TSPAN13: variants seen among roughly 807,000 people sequenced by gnomAD.
TSPAN13 encodes tetraspanin-13.
Under a neutral mutation model 26.9 loss-of-function variants are expected in TSPAN13, and 18 were observed. That is an observed-to-expected ratio of 0.67 (90% confidence interval 0.46 to 0.99). TSPAN13 has a LOEUF of 0.99. Among genes scored for constraint, TSPAN13 ranks in the 50% least tolerant of loss-of-function variants. The pLI is 0.00. For synonymous variants in TSPAN13, 116 were observed against 98.4 expected, an observed-to-expected ratio of 1.18 and a Z score of -1.06; for missense variants, 201 against 249.6, an observed-to-expected ratio of 0.81 and a Z score of 1.31.
intron 1 of TSPAN13, 39 bp from the exon 2 acceptor site, chr7:16,776,172 C>G (rs748882421): frequency 1.9e-6 from 3 of 1,602,238 alleles, no homozygotes; most frequent in Non-Finnish European, 8.5e-7. Context: ...TCTCTCCTCT[C>G]TCTCGTCCTC....
intron 1 of TSPAN13, among the ~76,000 whole-genome samples, chr7:16,758,123 T>C (rs1446396192): frequency 6.6e-6 from 1 of 152,064 alleles, no homozygotes; most frequent in Non-Finnish European, 1.5e-5. Flanking sequence ...GCATGAGCAC[T>C]TTATCTACTA....
intron 5 of TSPAN13, among the ~76,000 whole-genome samples, chr7:16,781,828 C>T (rs894301323): frequency 5.9e-5 from 9 of 151,872 alleles, no homozygotes; most frequent in South Asian, 2.1e-4. Context: ...TGAGGTGGGG[C>T]GGGGGGACTC....
chr7:16,762,630 C>A (rs1332841127), intron 1 of TSPAN13, among the ~76,000 whole-genome samples: 1 of 152,182 alleles, frequency 6.6e-6, no homozygotes, highest in Non-Finnish European at 1.5e-5. Flanking sequence ...ACCCAGCTAT[C>A]ACTGCTTAAA....
At chr7:16,780,986 C>T (rs1784808099) in intron 5 of TSPAN13, among the ~76,000 whole-genome samples, 1 of 152,144 alleles carries the variant, frequency 6.6e-6, no homozygotes, top group African/African-American at 2.4e-5. Context: ...TCAATATTCA[C>T]AGAATCACAG....
intron 1 of TSPAN13, among the ~76,000 whole-genome samples, chr7:16,770,290 C>T (rs1391141998): frequency 6.6e-6 from 1 of 152,100 alleles, no homozygotes; most frequent in African/African-American, 2.4e-5. Context: ...ACTGCAGCCT[C>T]TGCCTCTCGG....
chr7:16,776,462 A>T, intron 2 of TSPAN13, 84 bp downstream of exon 2: 2 of 1,384,282 alleles, frequency 1.4e-6, no homozygotes, highest in Non-Finnish European at 2.0e-6. Context: ...TAGGAAATTT[A>T]TTGCCAGAAA....
At chr7:16,775,177 T>C (rs965033894) in intron 1 of TSPAN13, among the ~76,000 whole-genome samples, 2 of 152,208 alleles carry the variant, frequency 1.3e-5, no homozygotes, top group African/African-American at 4.8e-5. Flanking sequence ...AGATACTGTT[T>C]CCTTCCTGTT....
At chr7:16,765,023 T>A (rs1202875159) in intron 1 of TSPAN13, among the ~76,000 whole-genome samples, 2 of 151,940 alleles carry the variant, frequency 1.3e-5, no homozygotes, top group African/African-American at 4.8e-5. Flanking sequence ...CCTCCCAAAG[T>A]GCTAGGATTA....
At chr7:16,772,668 C>T (rs1269426989) in intron 1 of TSPAN13, among the ~76,000 whole-genome samples, 1 of 152,108 alleles carries the variant, frequency 6.6e-6, no homozygotes, top group East Asian at 1.9e-4. Context: ...TTTAAAGATC[C>T]TTAATTTAGT....
At chr7:16,754,121 G>C (rs530931749) in intron 1 of TSPAN13, 91 bp downstream of exon 1, 3 of 1,321,776 alleles carry the variant, frequency 2.3e-6, no homozygotes, top group Non-Finnish European at 2.1e-6. Context: ...CGACTCACTC[G>C]TTGCATCCCG....
At chr7:16,761,621 G>C (rs555611003) in intron 1 of TSPAN13, among the ~76,000 whole-genome samples, 15 of 151,606 alleles carry the variant, frequency 9.9e-5, no homozygotes, top group Non-Finnish European at 1.0e-4. Flanking sequence ...GGGCCCAAGC[G>C]ATCCTCTCAC....
At position 16,753,778 on chromosome 7, in the gene TSPAN13, G is replaced by T. The variant is rs544299695; in HGVS notation, c.-190G>T. 11 of 468,926 alleles carry T rather than the reference G, an allele frequency of 2.3e-5. No individual in the cohort carries two copies. The highest frequency in any genetic ancestry group is 4.0e-5 in the Non-Finnish European group (11 of 272,808). 29.0% of individuals were successfully genotyped at this position (468,926 alleles called of 1,614,324 possible). The stretch of plus-strand genomic sequence containing the variant: ...CTCCGGCTCAGCTGCGGCGGCCGCA[G>T]GTTCCAAAGCGGGTCCGAGCCGCCG... On this transcript the variant is annotated 5_prime_UTR_variant, in exon 1 of 6. In the 5' UTR this introduces an upstream ATG that the reference lacks. Transcript: ENST00000262067.
At chr7:16,771,040 G>T (rs1276096053) in intron 1 of TSPAN13, among the ~76,000 whole-genome samples, 1 of 152,186 alleles carries the variant, frequency 6.6e-6, no homozygotes, top group Non-Finnish European at 1.5e-5. Flanking sequence ...AAGGGTCTCA[G>T]TTCCACTTCC....
At position 16,774,206 on chromosome 7, in the gene TSPAN13, A is replaced by C. The variant is rs150796044; in HGVS notation, c.64-2005A>C. 7.6e-4 allele frequency among the ~76,000 whole-genome samples: 115 copies of C among 152,312 alleles called. 1 individual carries two copies. The highest frequency in any genetic ancestry group is 2.7e-3 in the African/African-American group (113 of 41,564). On this transcript the variant is annotated intron_variant, in intron 1 of 5. Coordinates refer to ENST00000262067, the MANE Select transcript of TSPAN13 (RefSeq NM_014399.4). ...TTCTGACTTGCCAGTCACGACAATC[A>C]TGTGAGCCAATTCTTTAAAATCTCT...
At chr7:16,761,951 G>C (rs1423317557) in intron 1 of TSPAN13, among the ~76,000 whole-genome samples, 2 of 151,894 alleles carry the variant, frequency 1.3e-5, no homozygotes, top group Non-Finnish European at 2.9e-5. Flanking sequence ...TAACTTCTCT[G>C]TTGCGTTAGT....
intron 1 of TSPAN13, among the ~76,000 whole-genome samples, chr7:16,756,749 C>T (rs1489602930): frequency 6.6e-6 from 1 of 152,128 alleles, no homozygotes; most frequent in African/African-American, 2.4e-5. Flanking sequence ...AAGCTACATT[C>T]CTGAATTCAC....
chr7:16,777,247 G>A (rs1217143798), intron 3 of TSPAN13, 125 bp downstream of exon 3: 17 of 663,924 alleles, frequency 2.6e-5, no homozygotes, highest in Non-Finnish European at 4.4e-5. Flanking sequence ...ACTCTGGATA[G>A]CAAAACTCTC....
At chr7:16,774,605 G>A (rs1784719218) in intron 1 of TSPAN13, among the ~76,000 whole-genome samples, 1 of 152,160 alleles carries the variant, frequency 6.6e-6, no homozygotes. Context: ...CAGTGAGTAT[G>A]ATAAAATGAA....
Position 16,777,781 on chromosome 7 carries a change from T to C in TSPAN13, c.313-17T>C. On this transcript the variant is annotated splice_polypyrimidine_tract_variant and intron_variant, in intron 3 of 5. Transcript: ENST00000262067. ...CTGCAGGGATGACACATTTTATATA[T>C]TAAACACATTTACTAGGGTCAGCTT... The C allele has an allele frequency of 6.2e-7, 1 of 1,603,316 alleles. No homozygotes were observed. Among genetic ancestry groups the C allele is most frequent in the Non-Finnish European group, 8.5e-7 (1 of 1,171,166 alleles).
Sources: allele counts gnomAD v4.1 joint callset (sites outside exome capture counted in the v4.1 genomes callset), GRCh38; gene constraint gnomAD v4.1.1; transcripts MANE v1.5; gene names NCBI Gene and HGNC (gene_info 2026-07-23, HGNC 2026-07-21).